ZNF569: variants seen among roughly 807,000 people sequenced by gnomAD.
ZNF569 encodes zinc finger protein 569.
Under a neutral mutation model 56.3 loss-of-function variants are expected in ZNF569, and 38 were observed. The ratio of observed to expected loss-of-function variants is 0.68; its 90% CI spans 0.52 to 0.88. ZNF569 has a LOEUF of 0.88. Among genes scored for constraint, ZNF569 ranks in the 40% least tolerant of loss-of-function variants. The pLI, the probability that ZNF569 is intolerant of heterozygous loss-of-function variation, is 0.00. For missense variants in ZNF569, 666 were observed against 809.2 expected (o/e 0.82, Z 2.15); for synonymous variants, 241 against 262.9 (o/e 0.92, Z 0.81).
At chr19:37,449,404 T>G (rs1215150506) in intron 2 of ZNF569, among the ~76,000 whole-genome samples, 7 of 152,226 alleles carry the variant, frequency 4.6e-5, no homozygotes, top group Non-Finnish European at 1.5e-5. Flanking sequence ...GTAACCTTTC[T>G]GATATCCTTT....
rs143190321 is a variant in ZNF569, at chr19:37,426,293, C to A, written c.101G>T (p.Arg34Leu). The A allele has an allele frequency of 2.2e-5, 36 of 1,613,680 alleles. No homozygotes were observed. Among genetic ancestry groups the A allele is most frequent in the Non-Finnish European group, 3.0e-5 (35 of 1,179,834 alleles). Residue 34 changes from arginine (R) to leucine (L), a missense_variant, in exon 4 of 6, where the codon CGG becomes CTG. Physicochemically the swap from Arg to Leu is moderately radical, Grantham distance 102. Transcript: ENST00000316950. The part of the protein sequence containing the change: ...RLDPAQRKLY[R>L]NVMLENYNNL... ...GTTATAGTTTTCTAGCATCACATTC[C>A]GGTACAGTTTTCTCTGAGCAGGATC...
At chr19:37,422,054 C>G (rs575827430) in intron 5 of ZNF569, among the ~76,000 whole-genome samples, 21 of 152,246 alleles carry the variant, frequency 1.4e-4, no homozygotes, top group Admixed American at 1.0e-3. Flanking sequence ...CTGGCCAGCA[C>G]TTTAAATTTA....
chr19:37,434,906 C>G (rs540527478), intron 3 of ZNF569, among the ~76,000 whole-genome samples: 1 of 152,326 alleles, frequency 6.6e-6, no homozygotes, highest in East Asian at 1.9e-4. Context: ...TCCCACCACC[C>G]TTTGCTGACT....
In ZNF569 at chr19:37,427,882, G is replaced by C. The variant is rs547939265; in HGVS notation, c.16-1504C>G. On this transcript the variant is annotated intron_variant, in intron 3 of 5. Transcript: ENST00000316950. ...AAGCATGATGTGGAAATCTGGCCCT[G>C]GTATAATAGTTTCACCAATTACAGG... The C allele has an allele frequency of 2.4e-4, 116 of 480,342 alleles. 1 individual carries two copies. The highest frequency in any genetic ancestry group is 1.8e-3 in the South Asian group (115 of 64,252). The allele number at this position is 480,342 out of a possible 1,614,324, so 29.8% of individuals were successfully genotyped here. A position where few individuals can be genotyped will look rare whatever the true frequency, so the allele number is the denominator to read the frequency against.
chr19:37,456,142 T>C (rs913117435), intron 2 of ZNF569, among the ~76,000 whole-genome samples: 2 of 152,198 alleles, frequency 1.3e-5, no homozygotes, highest in Non-Finnish European at 2.9e-5. Flanking sequence ...TTGCTGTACA[T>C]TGACATTCTA....
chr19:37,463,208 C>A (rs1038502848), intron 2 of ZNF569, among the ~76,000 whole-genome samples: 3 of 152,208 alleles, frequency 2.0e-5, no homozygotes, highest in Non-Finnish European at 4.4e-5. Flanking sequence ...TCACCAATAT[C>A]TTTTCCCTAA....
Position 37,413,333 on chromosome 19 carries a change from T to A in ZNF569, c.1325A>T (p.Glu442Val). The A allele has an allele frequency of 6.2e-7, 1 of 1,606,622 alleles. No homozygotes were observed. The highest frequency in any genetic ancestry group is 8.5e-7 in the Non-Finnish European group (1 of 1,177,750). Residue 442 changes from glutamate to valine, a missense_variant, in exon 6 of 6, where the codon GAA becomes GTA. Coordinates refer to ENST00000316950, the MANE Select transcript of ZNF569 (RefSeq NM_152484.3). ...CATCTGTATAAAAGCTTTCCCACAT[T>A]CATTACACTCATAAGGTTTCTCTCT... ...HTREKPYECN[E>V]CGKAFIQMSN...
intron 2 of ZNF569, among the ~76,000 whole-genome samples, chr19:37,447,316 G>A (rs779689888): frequency 3.9e-5 from 6 of 151,960 alleles, no homozygotes; most frequent in Non-Finnish European, 5.9e-5. Flanking sequence ...AGCACAATTC[G>A]CAATTGCAAA....
intron 2 of ZNF569, among the ~76,000 whole-genome samples, chr19:37,452,316 G>T (rs2041607456): frequency 6.6e-6 from 1 of 151,986 alleles, no homozygotes; most frequent in Non-Finnish European, 1.5e-5. Context: ...TTTCATAGTA[G>T]AATTAAAAGT....
chr19:37,412,853 C>G lies in ZNF569; in HGVS notation c.1805G>C (p.Gly602Ala). The change falls in exon 6 of 6, where the codon GGT becomes GCT. Residue 602 changes from glycine to alanine, a missense_variant. Gly to Ala is a moderately conservative substitution (Grantham distance 60). Coordinates refer to ENST00000316950, the MANE Select transcript of ZNF569 (RefSeq NM_152484.3). ...TTTATTACATTCATAGGGTTTTTCA[C>G]CTGTATGGCCTCTCATGTGCACAAT... ...SLIVHMRGHT[G>A]EKPYECNKCG... 1 of 1,613,938 alleles carries G rather than the reference C, an allele frequency of 6.2e-7. No individual in the cohort carries two copies. The highest frequency in any genetic ancestry group is 8.5e-7 in the Non-Finnish European group (1 of 1,179,952).
rs544087564 is a variant in ZNF569 at position 37,435,780 on chromosome 19, A to G, written c.15+9127T>C. Among the ~76,000 whole-genome samples the G allele has an allele frequency of 3.9e-5, 6 of 152,384 alleles. No individual in the cohort carries two copies. The South Asian group carries it at 1.2e-3, about 32-fold the overall frequency. The stretch of plus-strand genomic sequence containing the variant: ...TCATTACATGATGATAAAGGGGTCA[A>G]TTCAGCAAGAGGATATAATAATTGT... On this transcript the variant is annotated intron_variant, in intron 3 of 5. Coordinates refer to ENST00000316950, the MANE Select transcript of ZNF569 (RefSeq NM_152484.3).
chr19:37,419,659 G>A (rs989514077), intron 5 of ZNF569, among the ~76,000 whole-genome samples: 2 of 151,878 alleles, frequency 1.3e-5, no homozygotes, highest in African/African-American at 4.8e-5. Flanking sequence ...GGAGGTGGAG[G>A]TTGCAGTGAG....
chr19:37,441,531 G>A (rs902690233), intron 3 of ZNF569, among the ~76,000 whole-genome samples: 1 of 151,686 alleles, frequency 6.6e-6, no homozygotes, highest in Non-Finnish European at 1.5e-5. Context: ...ATGGGGGCAC[G>A]TGCCTGTACT....
intron 2 of ZNF569, among the ~76,000 whole-genome samples, chr19:37,460,535 T>A (rs1387258092): frequency 2.1e-5 from 3 of 141,956 alleles, no homozygotes; most frequent in African/African-American, 7.8e-5. Flanking sequence ...AGAGTGCATT[T>A]AAAAAAAAAA....
chr19:37,439,280 AGGCT>A (rs1304188553), intron 3 of ZNF569, among the ~76,000 whole-genome samples: 1 of 152,146 alleles, frequency 6.6e-6, no homozygotes, highest in African/African-American at 2.4e-5. Context: ...CATGTTGACC[AGGCT>A]GGTCTTGAAC....
chr19:37,421,420 C>T (rs2041034156), intron 5 of ZNF569, among the ~76,000 whole-genome samples: 1 of 152,180 alleles, frequency 6.6e-6, no homozygotes, highest in African/African-American at 2.4e-5. Context: ...ATAATCTTAG[C>T]TAGATCTTCT....
upstream of ZNF569, among the ~76,000 whole-genome samples, chr19:37,468,433 C>G (rs928514353): frequency 6.6e-6 from 1 of 150,980 alleles, no homozygotes; most frequent in East Asian, 2.0e-4. Flanking sequence ...CGCGGTGGCT[C>G]ACGCCTGTGA....
At position 37,413,786 on chromosome 19, in the gene ZNF569, A is replaced by AT; in HGVS notation, c.871dup (p.Ile291AsnfsTer9). 3 of 1,613,536 alleles carry AT rather than the reference A, an allele frequency of 1.9e-6. No individual in the cohort carries two copies. The highest frequency in any genetic ancestry group is 2.5e-6 in the Non-Finnish European group (3 of 1,179,894). On this transcript the variant is annotated frameshift_variant, in exon 6 of 6. Transcript: ENST00000316950. LOFTEE classifies it high-confidence loss of function. ...TTCATAAGGTTTCTCTCCAGTATGA[A>AT]TTTTTTCATGATCAATAAGATTTGA...
intron 2 of ZNF569, among the ~76,000 whole-genome samples, chr19:37,456,717 C>T (rs978715527): frequency 6.6e-6 from 1 of 151,974 alleles, no homozygotes; most frequent in Non-Finnish European, 1.5e-5. Flanking sequence ...ACCTGTAATC[C>T]CAGCACTTTG....
Sources: gnomAD v4.1 joint callset for allele counts (sites outside exome capture counted in the v4.1 genomes callset) on GRCh38, gnomAD v4.1.1 for gene constraint, MANE v1.5 for transcripts, NCBI Gene and HGNC (gene_info 2026-07-23, HGNC 2026-07-21) for gene names.